Variants in FAM107A observed in about 807,000 individuals in gnomAD.
FAM107A encodes family with sequence similarity 107 member A.
Under a neutral mutation model 13.7 loss-of-function variants are expected in FAM107A, and 19 were observed. The observed-to-expected ratio is 1.38, with a 90% CI of 0.97 to 2.03. The LOEUF is 2.03. FAM107A is among the 30% of genes most tolerant of loss of function. FAM107A has a pLI of 0.00. For missense variants in FAM107A, 203 were observed against 184.4 expected, an observed-to-expected ratio of 1.10 and a Z score of -0.58; for synonymous variants, 82 against 74.5, an observed-to-expected ratio of 1.10 and a Z score of -0.52.
chr3:58,587,588 A>T (rs933825012), upstream of FAM107A, among the ~76,000 whole-genome samples: 1 of 151,646 alleles, frequency 6.6e-6, no homozygotes, highest in Non-Finnish European at 1.5e-5. Flanking sequence ...ACATGTCACA[A>T]GTATCGTGGG....
rs1198927150 is a variant in FAM107A at position 58,567,301 on chromosome 3, C to T, written c.234G>A (p.Gln78=). Reference sequence around the variant, plus strand: ...GCTCCTCCTTCTTCTTCTTGATGAGCTGGTTCCGCCGGCGGTGCTCTAGGA... The same window carrying T: ...GCTCCTCCTTCTTCTTCTTGATGAGTTGGTTCCGCCGGCGGTGCTCTAGGA... ...QRVLEHRRRN[Q]LIKKKKEELE... Residue 78 remains glutamine, a synonymous_variant, in exon 3 of 4, where the codon CAG becomes CAA. Transcript: ENST00000360997. 1.2e-6 allele frequency: 2 copies of T among 1,613,308 alleles called. No individual in the cohort carries two copies. Among genetic ancestry groups the T allele is most frequent in the South Asian group, 1.1e-5 (1 of 90,902 alleles).
rs2065775060 is a variant in FAM107A at position 58,604,236 on chromosome 3, A to G, written c.-69-14967T>C. Among the ~76,000 whole-genome samples the G allele has an allele frequency of 1.3e-5, 2 of 152,118 alleles. No homozygotes were observed. Among genetic ancestry groups the G allele is most frequent in the African/African-American group, 4.8e-5 (2 of 41,414 alleles). On this transcript the variant is annotated intron_variant, in intron 1 of 3. Transcript: ENST00000465970. The surrounding 1 kb of genome is among the most constrained non-coding windows in gnomAD (Gnocchi z 4.1). Reference sequence around the variant, plus strand: ...AAAGGTTCCTTTGGAAAATGAGCTCAGTCTCTGCCCACAATTCAACATTAT... The same window carrying G: ...AAAGGTTCCTTTGGAAAATGAGCTCGGTCTCTGCCCACAATTCAACATTAT...
intron 1 of FAM107A, among the ~76,000 whole-genome samples, chr3:58,584,136 G>A (rs1192710064): frequency 6.6e-6 from 1 of 152,080 alleles, no homozygotes; most frequent in Non-Finnish European, 1.5e-5. Flanking sequence ...GGGTCCAGAG[G>A]CACACGGTCC....
At position 58,606,900 on chromosome 3, in the gene FAM107A, TC is replaced by T. The variant is rs569054432; in HGVS notation, c.-69-17632del. Among the ~76,000 whole-genome samples the T allele has an allele frequency of 3.4e-3, 519 of 152,304 alleles. 3 individuals are homozygous for T. Among genetic ancestry groups the T allele is most frequent in the African/African-American group, 0.012 (504 of 41,560 alleles). On this transcript the variant is annotated intron_variant, in intron 1 of 3. Coordinates refer to the FAM107A transcript ENST00000465970. ...GATAATCTTGTAGCTGCTGGGAGTT[TC>T]CATGAAGGGGGACTGGCCCAGGAAT...
chr3:58,604,496 G>A lies in FAM107A; in HGVS notation c.-69-15227C>T, dbSNP rs139454154. On this transcript the variant is annotated intron_variant, in intron 1 of 3. Coordinates refer to the FAM107A transcript ENST00000465970. The surrounding 1 kb of genome is among the most constrained non-coding windows in gnomAD (Gnocchi z 4.1). Reference sequence around the variant, plus strand: ...TGAGGCACAGAGCACTGAGGGACTCGCACAGTGAGTTAGTGGCAGGGTCAT... The same window carrying A: ...TGAGGCACAGAGCACTGAGGGACTCACACAGTGAGTTAGTGGCAGGGTCAT... Among the ~76,000 whole-genome samples the A allele has an allele frequency of 1.3e-4, 20 of 152,244 alleles. No homozygotes were observed. The highest frequency in any genetic ancestry group is 4.6e-4 in the Admixed American group (7 of 15,292).
intron 1 of FAM107A, among the ~76,000 whole-genome samples, chr3:58,598,014 C>T (rs1575450501): frequency 6.6e-6 from 1 of 152,180 alleles, no homozygotes; most frequent in Non-Finnish European, 1.5e-5. Flanking sequence ...AGCCTCCCTA[C>T]CTGGCTTATT....
At chr3:58,587,084 G>A (rs2065615225) in exon 1 of FAM107A, 3 of 1,366,666 alleles carry the variant, frequency 2.2e-6, no homozygotes, top group Admixed American at 3.7e-5. Flanking sequence ...GGCGGCCGGA[G>A]GGGCGGGCGA....
intron 1 of FAM107A, chr3:58,570,486 G>T (rs1044541769): frequency 4.1e-6 from 2 of 490,474 alleles, no homozygotes; most frequent in Non-Finnish European, 5.3e-6. Flanking sequence ...CTACCACAGC[G>T]GTTTGAAATC....
rs111968046 is a variant in FAM107A, at chr3:58,602,756, C to A, written c.-69-13487G>T. 8.0e-3 allele frequency among the ~76,000 whole-genome samples: 1,214 copies of A among 152,270 alleles called. 13 individuals are homozygous for A. Among genetic ancestry groups the A allele is most frequent in the African/African-American group, 0.028 (1,152 of 41,542 alleles). ...TGTAGTGTTACTTTATGTATTCAGTCTTACATATCTATATTTATCTCTATG... is the reference window on the plus strand; with the variant it reads ...TGTAGTGTTACTTTATGTATTCAGTATTACATATCTATATTTATCTCTATG... On this transcript the variant is annotated intron_variant, in intron 1 of 3. Transcript: ENST00000465970.
intron 1 of FAM107A, chr3:58,570,382 A>G: frequency 2.0e-6 from 2 of 985,052 alleles, no homozygotes; most frequent in Non-Finnish European, 2.4e-6. Context: ...CATTTTCTTC[A>G]CATCAAAGAG....
chr3:58,567,179 G>A (rs775559991), intron 3 of FAM107A, 29 bp downstream of exon 3: 30 of 1,613,714 alleles, frequency 1.9e-5, no homozygotes, highest in African/African-American at 1.1e-4. Flanking sequence ...TGGAGGATGC[G>A]TGGTCCCTGC....
At chr3:58,573,959 C>T (rs1195878794) in intron 1 of FAM107A, among the ~76,000 whole-genome samples, 2 of 152,220 alleles carry the variant, frequency 1.3e-5, no homozygotes, top group East Asian at 1.9e-4. Flanking sequence ...CCTCCATGAA[C>T]TTGTGATATC....
rs545914674 is a variant in FAM107A at position 58,604,471 on chromosome 3, T to C, written c.-69-15202A>G. ...CCCTCCATTATATAAGTGGAGAAAC[T>C]GAGGCACAGAGCACTGAGGGACTCG... On this transcript the variant is annotated intron_variant, in intron 1 of 3. Coordinates refer to the FAM107A transcript ENST00000465970. The surrounding 1 kb of genome is among the most constrained non-coding windows in gnomAD (Gnocchi z 4.1). Among the ~76,000 whole-genome samples, 186 of 152,220 alleles carry C rather than the reference T, an allele frequency of 1.2e-3. No individual in the cohort carries two copies. The highest frequency in any genetic ancestry group is 4.3e-3 in the African/African-American group (179 of 41,550).
intron 1 of FAM107A, among the ~76,000 whole-genome samples, chr3:58,584,055 C>T (rs1290322576): frequency 3.3e-5 from 5 of 152,312 alleles, no homozygotes; most frequent in African/African-American, 1.2e-4. Context: ...ACCCCTTCAG[C>T]ACATGGCCAA....
intron 1 of FAM107A, among the ~76,000 whole-genome samples, chr3:58,570,165 G>C (rs895934169): frequency 2.0e-5 from 3 of 152,180 alleles, no homozygotes; most frequent in Non-Finnish European, 2.9e-5. Flanking sequence ...CATATTTTTG[G>C]CCTGGCTTTG....
chr3:58,622,943 A>C (rs2065970969), intron 1 of FAM107A, among the ~76,000 whole-genome samples: 1 of 152,172 alleles, frequency 6.6e-6, no homozygotes, highest in Admixed American at 6.5e-5. Flanking sequence ...TTCTCCTCAG[A>C]GAAGCCGTCT....
chr3:58,612,130 AAAAG>A (rs2108078571), intron 1 of FAM107A, among the ~76,000 whole-genome samples: 1 of 152,318 alleles, frequency 6.6e-6, no homozygotes, highest in Non-Finnish European at 1.5e-5. Context: ...CCATGATCCT[AAAAG>A]TAAAATCTAT....
chr3:58,602,574 T>A (rs2065761874), intron 1 of FAM107A, among the ~76,000 whole-genome samples: 1 of 152,210 alleles, frequency 6.6e-6, no homozygotes, highest in Non-Finnish European at 1.5e-5. Flanking sequence ...CGATAGGGGA[T>A]TGATTAAATT....
At chr3:58,589,251 C>T (rs954107388), upstream of FAM107A, 6 of 1,534,896 alleles carry the variant, frequency 3.9e-6, no homozygotes, top group African/African-American at 1.4e-5. Flanking sequence ...TGAAATCTGG[C>T]CTGAGGAGAG....
Sources: gnomAD v4.1 joint callset for allele counts (sites outside exome capture counted in the v4.1 genomes callset) on GRCh38, gnomAD v4.1.1 for gene constraint, Gnocchi (gnomAD v3.1) non-coding constraint, MANE v1.5 for transcripts, NCBI Gene and HGNC (gene_info 2026-07-23, HGNC 2026-07-21) for gene names.